The following RPS6KA2 variants were observed in gnomAD, a reference collection of about 807,000 sequenced individuals.
RPS6KA2 encodes ribosomal protein S6 kinase alpha-2.
In RPS6KA2, 42 loss-of-function variants were observed where a neutral mutation model predicts 91.8. That is an observed-to-expected ratio of 0.46 (90% CI 0.36 to 0.59). RPS6KA2 has a LOEUF of 0.59. Among genes scored for constraint, RPS6KA2 ranks in the 20% least tolerant of loss-of-function variants. The probability of loss-of-function intolerance (pLI) is 0.00; values close to 1 mark genes in which losing one functional copy is unlikely to be tolerated. For missense variants in RPS6KA2, 798 were observed against 978.5 expected (o/e 0.82, Z 2.46); for synonymous variants, 414 against 393.6 (o/e 1.05, Z -0.61).
rs571641244 is a variant in RPS6KA2 at position 166,648,184 on chromosome 6, G to GCT, written c.124-109401_124-109400insAG. Among the ~76,000 whole-genome samples, 20,888 of 134,066 alleles carry GCT rather than the reference G, an allele frequency of 0.16. 1,463 individuals carry two copies. Among genetic ancestry groups the GCT allele is most frequent in the Middle Eastern group, 0.23 (49 of 210 alleles). 88.0% of individuals were successfully genotyped at this position (134,066 alleles called of 152,430 possible). On this transcript the variant is annotated intron_variant, in intron 2 of 21. Coordinates refer to the RPS6KA2 transcript ENST00000503859. This position sits in a 1 kb window ranked among gnomAD's most constrained non-coding sequence, Gnocchi z 4.8. ...CCCATGCACACATGCTCACACACAT[G>GCT]CACACATGCTCATACACACACTCAT...
rs543247214 is a variant in RPS6KA2, at chr6:166,732,703, T to C, written c.123+125497A>G. Among the ~76,000 whole-genome samples the C allele has an allele frequency of 1.1e-4, 16 of 152,184 alleles. No homozygotes were observed. In the South Asian group the frequency reaches 3.3e-3, roughly 32 times the overall value. On this transcript the variant is annotated intron_variant, in intron 2 of 21. Coordinates refer to the RPS6KA2 transcript ENST00000503859. This position sits in a 1 kb window ranked among gnomAD's most constrained non-coding sequence, Gnocchi z 4.0. ...AGAAGCTCGGAGCTCCCACAGATGA[T>C]GTTAGGTGCAGAGATGGGGGTGCAC...
chr6:166,627,277 T>C (rs1786927440), upstream of RPS6KA2: 3 of 983,244 alleles, frequency 3.1e-6, no homozygotes, highest in South Asian at 4.6e-5. Context: ...GCGCCACGCC[T>C]ACACCACGCC....
At position 166,732,601 on chromosome 6, in the gene RPS6KA2, G is replaced by T. The variant is rs1583058787; in HGVS notation, c.123+125599C>A. 6.6e-6 allele frequency among the ~76,000 whole-genome samples: 1 copy of T among 152,262 alleles called. No individual in the cohort carries two copies. Among genetic ancestry groups the T allele is most frequent in the Non-Finnish European group, 1.5e-5 (1 of 68,048 alleles). On this transcript the variant is annotated intron_variant, in intron 2 of 21. Transcript: ENST00000503859. The surrounding 1 kb of genome is among the most constrained non-coding windows in gnomAD (Gnocchi z 4.0). ...ATTCAACAGCCATCCACTGCATCCA[G>T]ACTGTTGAATCTTCAACCAGCATCA...
Position 166,459,380 on chromosome 6 carries a change from C to A in RPS6KA2, c.1075+69G>T. The A allele has an allele frequency of 1.1e-6, 1 of 896,940 alleles. No homozygotes were observed. The highest frequency in any genetic ancestry group is 1.8e-6 in the Non-Finnish European group (1 of 560,552). 55.6% of individuals were successfully genotyped at this position (896,940 alleles called of 1,614,324 possible). A position where few individuals can be genotyped will look rare whatever the true frequency, so the allele number is the denominator to read the frequency against. The stretch of plus-strand genomic sequence containing the variant: ...TTCTGAGGCATGGGAATTTCTTGTT[C>A]CTAGATATCTGTCTCTAAGGGGTCA... On this transcript the variant is annotated intron_variant, in intron 12 of 20. Coordinates refer to ENST00000265678, the MANE Select transcript of RPS6KA2 (RefSeq NM_021135.6). The surrounding 1 kb of genome is among the most constrained non-coding windows in gnomAD (Gnocchi z 4.9).
chr6:166,467,538 A>G (rs1398241869), intron 11 of RPS6KA2, among the ~76,000 whole-genome samples: 4 of 152,182 alleles, frequency 2.6e-5, no homozygotes, highest in Non-Finnish European at 4.4e-5. Context: ...TGAATGGCAG[A>G]CTGGAAGGAG....
chr6:166,622,406 G>T (rs1052020273), intron 1 of RPS6KA2, among the ~76,000 whole-genome samples: 10 of 152,024 alleles, frequency 6.6e-5, no homozygotes, highest in African/African-American at 1.9e-4. Context: ...CACTAATATG[G>T]ACTATTTATT....
At chr6:166,476,803 T>C (rs1335177271) in intron 10 of RPS6KA2, among the ~76,000 whole-genome samples, 3 of 152,106 alleles carry the variant, frequency 2.0e-5, no homozygotes, top group African/African-American at 7.2e-5. Context: ...TGAGGTCCTG[T>C]GTGGCGAGTC....
chr6:166,799,188 A>G (rs1562446017), intron 2 of RPS6KA2, among the ~76,000 whole-genome samples: 2 of 152,204 alleles, frequency 1.3e-5, no homozygotes, highest in African/African-American at 4.8e-5. Context: ...CTCAGTGCCG[A>G]GCCTGTTTTA....
chr6:166,553,607 G>A (rs1211142073), intron 1 of RPS6KA2, among the ~76,000 whole-genome samples: 2 of 151,052 alleles, frequency 1.3e-5, no homozygotes, highest in East Asian at 1.9e-4. Flanking sequence ...TCACTGACCC[G>A]CCCCGCCAGC....
intron 3 of RPS6KA2, among the ~76,000 whole-genome samples, chr6:166,517,474 T>G (rs1344793123): frequency 3.3e-5 from 2 of 61,374 alleles, no homozygotes; most frequent in Admixed American, 1.7e-4. Flanking sequence ...TTTTTTTTTT[T>G]TTTTTTTTTT....
At chr6:166,587,687 C>A (rs915530783) in intron 1 of RPS6KA2, among the ~76,000 whole-genome samples, 10 of 150,312 alleles carry the variant, frequency 6.7e-5, no homozygotes, top group South Asian at 6.3e-4. Flanking sequence ...TATACACACA[C>A]AAAAATGTAA....
chr6:166,830,137 AAAAAGAAAGAAAGAAAG>A (rs1239891683), intron 2 of RPS6KA2, among the ~76,000 whole-genome samples: 1 of 94,388 alleles, frequency 1.1e-5, no homozygotes, highest in Non-Finnish European at 2.6e-5. Flanking sequence ...AAAAAAAAAA[AAAAAGAAAGAAAGAAAG>A]AAAGAAAGAA....
At chr6:166,664,296 T>A (rs899028498) in intron 2 of RPS6KA2, among the ~76,000 whole-genome samples, 9 of 152,248 alleles carry the variant, frequency 5.9e-5, no homozygotes, top group African/African-American at 2.2e-4. Context: ...CTGAGCCCAG[T>A]GAGCTCACAG....
At position 166,737,766 on chromosome 6, in the gene RPS6KA2, A is replaced by G. The variant is rs924281124; in HGVS notation, c.123+120434T>C. ...GAACTTGACAAATGCCGTACCCAAAATAGTATATTCCCTGTTTAGACGAAC... is the reference window on the plus strand; with the variant it reads ...GAACTTGACAAATGCCGTACCCAAAGTAGTATATTCCCTGTTTAGACGAAC... On this transcript the variant is annotated intron_variant, in intron 2 of 21. Transcript: ENST00000503859. The surrounding 1 kb of genome is among the most constrained non-coding windows in gnomAD (Gnocchi z 4.3). Among the ~76,000 whole-genome samples, 4 of 152,210 alleles carry G rather than the reference A, an allele frequency of 2.6e-5. No homozygotes were observed. The highest frequency in any genetic ancestry group is 9.6e-5 in the African/African-American group (4 of 41,458).
chr6:166,442,158 T>G (rs1172642562), intron 14 of RPS6KA2, among the ~76,000 whole-genome samples: 1 of 152,252 alleles, frequency 6.6e-6, no homozygotes, highest in African/African-American at 2.4e-5. Context: ...CAATGGATTT[T>G]TCTTGCAGGT....
At chr6:166,839,689 A>AGGGGAGGG (rs1306436538) in intron 2 of RPS6KA2, among the ~76,000 whole-genome samples, 70 of 6,780 alleles carry the variant, frequency 0.01, 11 homozygotes, top group East Asian at 0.023. Context: ...GCAGGAGAGG[A>AGGGGAGGG]GAGGGGAGGA....
At position 166,844,619 on chromosome 6, in the gene RPS6KA2, G is replaced by T. The variant is rs561735626; in HGVS notation, c.123+13581C>A. Among the ~76,000 whole-genome samples, 7 of 152,270 alleles carry T rather than the reference G, an allele frequency of 4.6e-5. No individual in the cohort carries two copies. The East Asian group carries it at 1.3e-3, about 29-fold the overall frequency. On this transcript the variant is annotated intron_variant, in intron 2 of 21. Transcript: ENST00000503859. ...AGAAGGGATCGGGGTCCTATGTTTA[G>T]CCTCCTTAAAGAAAACAATTATCAG...
chr6:166,839,339 C>T (rs914925532), intron 2 of RPS6KA2, among the ~76,000 whole-genome samples: 1 of 152,052 alleles, frequency 6.6e-6, no homozygotes, highest in Non-Finnish European at 1.5e-5. Context: ...ACATCAAACA[C>T]CCAAAAACCA....
intron 2 of RPS6KA2, among the ~76,000 whole-genome samples, chr6:166,800,614 C>T (rs1472419089): frequency 2.6e-5 from 4 of 152,200 alleles, no homozygotes; most frequent in East Asian, 1.9e-4. Context: ...TGGGTCCTCA[C>T]CAGACACCGA....
Sources: gnomAD v4.1 joint callset for allele counts (sites outside exome capture counted in the v4.1 genomes callset) on GRCh38, gnomAD v4.1.1 for gene constraint, Gnocchi (gnomAD v3.1) non-coding constraint, MANE v1.5 for transcripts, NCBI Gene and HGNC (gene_info 2026-07-23, HGNC 2026-07-21) for gene names.